Variants in SCML2 observed in about 807,000 individuals in gnomAD.
SCML2 encodes the protein Scm polycomb group protein like 2.
Under a neutral mutation model 48.4 loss-of-function variants are expected in SCML2, and 6 were observed. The ratio of observed to expected loss-of-function variants is 0.12; its 90% CI spans 0.07 to 0.24. The LOEUF is 0.24. Among genes scored for constraint, SCML2 ranks in the 10% least tolerant of loss-of-function variants. The pLI, the probability that SCML2 is intolerant of heterozygous loss-of-function variation, is 1.00. For synonymous variants in SCML2, 181 were observed against 189.5 expected, an observed-to-expected ratio of 0.95 and a Z score of 0.37; for missense variants, 377 against 528.2, an observed-to-expected ratio of 0.71 and a Z score of 2.81.
At chrX:18,301,344 G>A (rs1446213347) in intron 7 of SCML2, among the ~76,000 whole-genome samples, 2 of 110,643 alleles carry the variant, frequency 1.8e-5, no homozygotes, top group African/African-American at 6.6e-5. Context: ...GTTGCACTGA[G>A]CCAAGATCAC....
chrX:18,244,477 T>TTTATA (rs979840681), intron 13 of SCML2, among the ~76,000 whole-genome samples: 1 of 112,038 alleles, frequency 8.9e-6, no homozygotes, highest in African/African-American at 3.2e-5. Flanking sequence ...GGTATAAAAT[T>TTTATA]TTATATTAAA....
chrX:18,260,587 C>CTTTTTTTTTTTTTTTTTTTTTT (rs1927027251), intron 8 of SCML2, among the ~76,000 whole-genome samples: 1 of 109,104 alleles, frequency 9.2e-6, no homozygotes, highest in African/African-American at 3.5e-5. Flanking sequence ...ATAAAACATA[C>CTTTTTTTTTTTTTTTTTTTTTT]TTTATTTTTT....
At chrX:18,304,032 T>C (rs1569154458) in intron 7 of SCML2, among the ~76,000 whole-genome samples, 1 of 112,104 alleles carries the variant, frequency 8.9e-6, no homozygotes, top group Non-Finnish European at 1.9e-5. Flanking sequence ...CCCACTAAGT[T>C]GATTTTTCAT....
At chrX:18,262,621 G>A (rs748829738) in intron 8 of SCML2, among the ~76,000 whole-genome samples, 10 of 102,755 alleles carry the variant, frequency 9.7e-5, no homozygotes, top group East Asian at 6.1e-4. Flanking sequence ...GATTACAGGC[G>A]TGAGCCACCA....
At chrX:18,290,306 T>C (rs968625581) in intron 7 of SCML2, among the ~76,000 whole-genome samples, 1 of 111,965 alleles carries the variant, frequency 8.9e-6, no homozygotes, top group Non-Finnish European at 1.9e-5. Context: ...AGATGGTCAC[T>C]GGCAGCCTAC....
intron 1 of SCML2, among the ~76,000 whole-genome samples, chrX:18,339,937 C>A (rs1350404192): frequency 8.9e-6 from 1 of 111,771 alleles, no homozygotes; most frequent in Non-Finnish European, 1.9e-5. Context: ...CTGGTGTACA[C>A]CCTTCAAATT....
intron 1 of SCML2, among the ~76,000 whole-genome samples, chrX:18,348,406 T>C (rs1191197979): frequency 8.9e-6 from 1 of 111,804 alleles, no homozygotes; most frequent in African/African-American, 3.3e-5. Context: ...CAGAAAAGCA[T>C]GCAATAAACC....
At chrX:18,314,114 T>C (rs1787652369) in intron 6 of SCML2, among the ~76,000 whole-genome samples, 1 of 112,426 alleles carries the variant, frequency 8.9e-6, no homozygotes, top group Admixed American at 9.4e-5. Flanking sequence ...ATGTAACTGA[T>C]GATTTTCTAT....
chrX:18,254,150 C>T (rs1926759043), intron 11 of SCML2, among the ~76,000 whole-genome samples: 1 of 112,025 alleles, frequency 8.9e-6, no homozygotes, highest in Non-Finnish European at 1.9e-5. Flanking sequence ...TCTATGTATA[C>T]TATACTTCAG....
intron 5 of SCML2, among the ~76,000 whole-genome samples, chrX:18,322,141 CTAAA>C (rs1929342419): frequency 8.9e-6 from 1 of 111,925 alleles, no homozygotes; most frequent in African/African-American, 3.2e-5. Context: ...AAAAGGAAAA[CTAAA>C]TAAGTTGTAT....
intron 1 of SCML2, among the ~76,000 whole-genome samples, chrX:18,338,276 T>C (rs1421343978): frequency 9.1e-6 from 1 of 109,394 alleles, no homozygotes; most frequent in Non-Finnish European, 1.9e-5. Context: ...AAACCCCATC[T>C]CTACTAAAAA....
intron 11 of SCML2, among the ~76,000 whole-genome samples, chrX:18,250,237 C>G (rs1926599940): frequency 8.9e-6 from 1 of 111,748 alleles, no homozygotes; most frequent in African/African-American, 3.3e-5. Flanking sequence ...TTTTGGGACA[C>G]AGTCTCACTC....
At chrX:18,248,544 G>A (rs1051007659) in intron 11 of SCML2, among the ~76,000 whole-genome samples, 14 of 112,316 alleles carry the variant, frequency 1.2e-4, no homozygotes, top group African/African-American at 3.9e-4. Context: ...GAGTATCAAA[G>A]TCAAACTTCA....
chrX:18,242,224 G>A (rs984658978), intron 14 of SCML2, among the ~76,000 whole-genome samples: 2 of 111,463 alleles, frequency 1.8e-5, no homozygotes, highest in African/African-American at 3.3e-5. Flanking sequence ...AGAAGTTGAA[G>A]CAGTTTGTAT....
At chrX:18,310,515 C>A (rs1403138886) in intron 6 of SCML2, among the ~76,000 whole-genome samples, 1 of 110,947 alleles carries the variant, frequency 9.0e-6, no homozygotes, top group Non-Finnish European at 1.9e-5. Flanking sequence ...ATCCACCCAC[C>A]TCGGCCTCCC....
chrX:18,282,190 T>C (rs1927884071), intron 7 of SCML2, among the ~76,000 whole-genome samples: 2 of 110,796 alleles, frequency 1.8e-5, no homozygotes, highest in Admixed American at 1.9e-4. Flanking sequence ...CAAGAGTTTG[T>C]TCTTTGCAAA....
At chrX:18,301,937 T>A (rs929733633) in intron 7 of SCML2, among the ~76,000 whole-genome samples, 1 of 111,676 alleles carries the variant, frequency 9.0e-6, no homozygotes, top group Non-Finnish European at 1.9e-5. Context: ...TTTCCTTCTC[T>A]TGAGTTTTCT....
At chrX:18,321,391 C>A (rs1234862828) in intron 5 of SCML2, among the ~76,000 whole-genome samples, 1 of 110,365 alleles carries the variant, frequency 9.1e-6, no homozygotes, top group Non-Finnish European at 1.9e-5. Context: ...CTGCTTGCCT[C>A]AATGCCAGAA....
At position 18,282,849 on chromosome X, in the gene SCML2, C is replaced by T. The variant is rs760700640; in HGVS notation, c.731-17047G>A. Among the ~76,000 whole-genome samples the T allele has an allele frequency of 6.3e-5, 7 of 111,207 alleles. No individual in the cohort carries two copies. The South Asian group carries it at 1.5e-3, about 24-fold the overall frequency. Reference sequence around the variant, plus strand: ...GCCCCAGAACAAATGAATTCACAGCCGAATTCCATCAGACATACAAAGAAG... The same window carrying T: ...GCCCCAGAACAAATGAATTCACAGCTGAATTCCATCAGACATACAAAGAAG... On this transcript the variant is annotated intron_variant, in intron 7 of 14. Transcript: ENST00000251900.
Sources: allele counts gnomAD v4.1 joint callset (sites outside exome capture counted in the v4.1 genomes callset), GRCh38; gene constraint gnomAD v4.1.1; transcripts MANE v1.5; gene names NCBI Gene and HGNC (gene_info 2026-07-23, HGNC 2026-07-21).